RNF17: variants seen among roughly 807,000 people sequenced by gnomAD.
RNF17 encodes the protein ring finger protein 17.
In RNF17, 31 loss-of-function variants were observed where a neutral mutation model predicts 200.5. The observed-to-expected ratio is 0.15, with a 90% CI of 0.12 to 0.21. The LOEUF (loss-of-function observed/expected upper bound fraction) is 0.21, where lower values mean the gene tolerates loss of function less well. RNF17 is among the 10% of genes least tolerant of loss of function. The probability of loss-of-function intolerance (pLI) is 1.00; values close to 1 mark genes in which losing one functional copy is unlikely to be tolerated. For missense variants in RNF17, 1,628 were observed against 1,905.1 expected (o/e 0.85, Z 2.71); for synonymous variants, 606 against 637.8 (o/e 0.95, Z 0.75).
chr13:24,881,893 CAT>C (rs1593521293), downstream of RNF17, among the ~76,000 whole-genome samples: 1 of 100,470 alleles, frequency 1.0e-5, no homozygotes, highest in East Asian at 3.1e-4. Flanking sequence ...TATATAGATA[CAT>C]CTATATAGAT....
chr13:24,826,218 T>C, intron 16 of RNF17: 1 of 367,194 alleles, frequency 2.7e-6, no homozygotes, highest in Non-Finnish European at 3.8e-6. Context: ...TTTCTACTTT[T>C]TCTACATCCT....
intron 24 of RNF17, among the ~76,000 whole-genome samples, chr13:24,853,210 G>A (rs900461953): frequency 6.6e-6 from 1 of 152,080 alleles, no homozygotes; most frequent in Non-Finnish European, 1.5e-5. Context: ...CACCATGCCC[G>A]GCCCTTATTT....
At chr13:24,820,392 G>T (rs1173870968) in intron 15 of RNF17, among the ~76,000 whole-genome samples, 11 of 152,012 alleles carry the variant, frequency 7.2e-5, no homozygotes, top group Admixed American at 7.2e-4. Context: ...AAAGTGCTGG[G>T]ATTACAGGCA....
chr13:24,881,439 C>T (rs1034476692), downstream of RNF17, among the ~76,000 whole-genome samples: 17 of 152,010 alleles, frequency 1.1e-4, no homozygotes, highest in African/African-American at 4.1e-4. Context: ...CCATGCCTGG[C>T]CTATCAACCT....
intron 27 of RNF17, among the ~76,000 whole-genome samples, chr13:24,862,014 AAG>A (rs1454052940): frequency 2.9e-5 from 4 of 139,368 alleles, no homozygotes; most frequent in Non-Finnish European, 6.4e-5. Context: ...GCAGGAGAAA[AAG>A]AGATTGAAGG....
chr13:24,827,210 G>C (rs1250594362), intron 16 of RNF17, among the ~76,000 whole-genome samples: 1 of 152,072 alleles, frequency 6.6e-6, no homozygotes, highest in African/African-American at 2.4e-5. Context: ...TGGGATTACA[G>C]GCATGAGCCA....
chr13:24,763,651 C>G (rs1031388494), upstream of RNF17, among the ~76,000 whole-genome samples: 12 of 152,240 alleles, frequency 7.9e-5, no homozygotes, highest in East Asian at 2.3e-3. Flanking sequence ...CTTAGCATCC[C>G]CAACCACTCT....
chr13:24,774,783 TTG>T (rs1276975281), intron 2 of RNF17, 28 bp from the exon 3 acceptor site: 1 of 1,444,140 alleles, frequency 6.9e-7, no homozygotes, highest in Admixed American at 1.8e-5. Context: ...TTGGGTGACT[TTG>T]TTTTTTTAAA....
intron 2 of RNF17, 74 bp downstream of exon 2, chr13:24,767,440 C>T (rs960090771): frequency 1.1e-5 from 12 of 1,056,780 alleles, no homozygotes; most frequent in Middle Eastern, 2.1e-4. Flanking sequence ...AGTAGTAAAA[C>T]GTACTTCTAG....
At position 24,870,321 on chromosome 13, in the gene RNF17, C is replaced by T. The variant is rs142044609; in HGVS notation, c.4279-250C>T. 7.9e-5 allele frequency among the ~76,000 whole-genome samples: 12 copies of T among 152,132 alleles called. No individual in the cohort carries two copies. The East Asian group carries it at 2.3e-3, about 29-fold the overall frequency. On this transcript the variant is annotated intron_variant, in intron 31 of 35. Coordinates refer to ENST00000255324, the MANE Select transcript of RNF17 (RefSeq NM_031277.3). ...CTGGTCTTGAACTCATGAACTCAAG[C>T]GATCCTCCCACCTCAGCCTTCCAAA...
chr13:24,876,917 GT>G, intron 33 of RNF17, 79 bp from the exon 34 acceptor site: 1 of 1,161,586 alleles, frequency 8.6e-7, no homozygotes, highest in Non-Finnish European at 1.2e-6. Context: ...GTTATGAAGC[GT>G]TTCCCCTATG....
At chr13:24,795,191 A>G (rs2137673536) in intron 10 of RNF17, among the ~76,000 whole-genome samples, 1 of 151,396 alleles carries the variant, frequency 6.6e-6, no homozygotes, top group South Asian at 2.1e-4. Flanking sequence ...ATTCATTTCC[A>G]CTCCTCCTAG....
At chr13:24,814,793 C>T (rs1887181349) in intron 15 of RNF17, among the ~76,000 whole-genome samples, 1 of 152,206 alleles carries the variant, frequency 6.6e-6, no homozygotes, top group Admixed American at 6.5e-5. Flanking sequence ...TGTGAGTCTT[C>T]CAACTTTGTT....
intron 22 of RNF17, among the ~76,000 whole-genome samples, chr13:24,847,955 ATG>A (rs1052678574): frequency 4.6e-5 from 7 of 152,228 alleles, no homozygotes; most frequent in African/African-American, 1.4e-4. Context: ...AGTACAGAGA[ATG>A]TGTTTGTGTA....
intron 18 of RNF17, among the ~76,000 whole-genome samples, chr13:24,833,313 A>G (rs982350175): frequency 5.9e-5 from 9 of 152,224 alleles, no homozygotes; most frequent in African/African-American, 2.2e-4. Context: ...CTGATAATTT[A>G]TTTACTTCAG....
chr13:24,821,636 A>G (rs71431706), intron 15 of RNF17, among the ~76,000 whole-genome samples: 21,661 of 151,926 alleles, frequency 0.14, 2,047 homozygotes, highest in Admixed American at 0.26. Flanking sequence ...GAACCCCTCT[A>G]TTGAATTTTT....
At chr13:24,851,000 T>A (rs1891825560) in intron 23 of RNF17, among the ~76,000 whole-genome samples, 2 of 152,162 alleles carry the variant, frequency 1.3e-5, no homozygotes, top group Non-Finnish European at 1.5e-5. Flanking sequence ...TTCCATGCTG[T>A]TTGCTTTTTT....
chr13:24,777,812 A>G (rs899082963), intron 3 of RNF17, among the ~76,000 whole-genome samples: 1 of 152,236 alleles, frequency 6.6e-6, no homozygotes, highest in African/African-American at 2.4e-5. Flanking sequence ...GTATGAAAGC[A>G]TATTTCCTCA....
Sources: gnomAD v4.1 joint callset for allele counts (sites outside exome capture counted in the v4.1 genomes callset) on GRCh38, gnomAD v4.1.1 for gene constraint, MANE v1.5 for transcripts, NCBI Gene and HGNC (gene_info 2026-07-23, HGNC 2026-07-21) for gene names.